The following SHANK1 variants were observed in gnomAD, a reference collection of about 807,000 sequenced individuals.
The protein encoded by SHANK1 is SH3 and multiple ankyrin repeat domains 1, also known as SH3 and multiple ankyrin repeat domains protein 1.
A neutral mutation model predicts 165.6 loss-of-function variants in SHANK1; 35 were observed. The ratio of observed to expected loss-of-function variants is 0.21; its 90% CI spans 0.16 to 0.28. SHANK1 has a LOEUF of 0.28. SHANK1 is among the 10% of genes least tolerant of loss of function. SHANK1 has a pLI of 1.00. For synonymous variants in SHANK1, 1,428 were observed against 1,384.8 expected (o/e 1.03, Z -0.69); for missense variants, 2,681 against 3,036.4 (o/e 0.88, Z 2.75).
chr19:50,662,783 G>T lies in SHANK1; in HGVS notation c.5769-101C>A. The T allele has an allele frequency of 1.6e-6, 2 of 1,241,196 alleles. No individual in the cohort carries two copies. The highest frequency in any genetic ancestry group is 1.1e-6 in the Non-Finnish European group (1 of 881,736). 76.9% of individuals were successfully genotyped at this position (1,241,196 alleles called of 1,614,324 possible). ...GTCAAGATATAGGGAGAGAGGAGGAGAGACATAAGGGTAGGGGGAGAGACG... is the reference window on the plus strand; with the variant it reads ...GTCAAGATATAGGGAGAGAGGAGGATAGACATAAGGGTAGGGGGAGAGACG... On this transcript the variant is annotated intron_variant, in intron 23 of 23. Transcript: ENST00000293441. The surrounding 1 kb of genome is among the most constrained non-coding windows in gnomAD (Gnocchi z 7.7).
Position 50,661,598 on chromosome 19 carries a change from C to A in SHANK1, c.*367G>T, listed in dbSNP as rs150226322. On this transcript the variant is annotated 3_prime_UTR_variant, in exon 24 of 24. Coordinates refer to ENST00000293441, the MANE Select transcript of SHANK1 (RefSeq NM_016148.5). Reference sequence around the variant, plus strand: ...AATCCGAGGGCACCCCCTTCCCCTGCGGCCTGGGGGACAGTCCCCATCCAA... The same window carrying A: ...AATCCGAGGGCACCCCCTTCCCCTGAGGCCTGGGGGACAGTCCCCATCCAA... Among the ~76,000 whole-genome samples the A allele has an allele frequency of 2.0e-5, 3 of 152,080 alleles. No individual in the cohort carries two copies. The highest frequency in any genetic ancestry group is 2.0e-4 in the Admixed American group (3 of 15,286).
At chr19:50,679,955 CAGAG>C (rs556621277) in intron 21 of SHANK1, among the ~76,000 whole-genome samples, 1 of 149,824 alleles carries the variant, frequency 6.7e-6, no homozygotes, top group Non-Finnish European at 1.5e-5. Flanking sequence ...GATAGAGAGA[CAGAG>C]AGACAAAGGC....
chr19:50,701,795 C>T (rs1986923119), intron 12 of SHANK1, among the ~76,000 whole-genome samples: 1 of 152,166 alleles, frequency 6.6e-6, no homozygotes, highest in South Asian at 2.1e-4. Flanking sequence ...TCTAAAGCAT[C>T]CTTCTATCCA....
intron 21 of SHANK1, among the ~76,000 whole-genome samples, chr19:50,684,272 C>T (rs1286614462): frequency 6.6e-6 from 1 of 151,460 alleles, no homozygotes; most frequent in Admixed American, 6.6e-5. Flanking sequence ...GTCGCCCAGG[C>T]TGGAGTGCAA....
In SHANK1 at chr19:50,697,389, G is replaced by A. The variant is rs1266333848; in HGVS notation, c.1937+200C>T. Among the ~76,000 whole-genome samples the A allele has an allele frequency of 6.6e-6, 1 of 152,194 alleles. No individual in the cohort carries two copies. The highest frequency in any genetic ancestry group is 1.5e-5 in the Non-Finnish European group (1 of 68,032). On this transcript the variant is annotated intron_variant, in intron 14 of 23. Transcript: ENST00000293441. The surrounding 1 kb of genome is among the most constrained non-coding windows in gnomAD (Gnocchi z 4.7). The stretch of plus-strand genomic sequence containing the variant: ...TTGTCTCTGGCTACCCCAGAGCTGG[G>A]CAGTCTTAGTGGCTGCCGAAGATGG...
intron 11 of SHANK1, among the ~76,000 whole-genome samples, chr19:50,703,281 G>T (rs947697613): frequency 6.6e-6 from 1 of 152,154 alleles, no homozygotes; most frequent in African/African-American, 2.4e-5. Context: ...CTCTGCCTGG[G>T]GCCCCTGTCC....
intron 21 of SHANK1, among the ~76,000 whole-genome samples, chr19:50,673,495 G>A (rs991061206): frequency 2.0e-5 from 3 of 151,960 alleles, no homozygotes; most frequent in Non-Finnish European, 4.4e-5. Context: ...CCTTTTCAGC[G>A]CGAAGTTCTC....
At position 50,661,934 on chromosome 19, in the gene SHANK1, GTGGACGGGGC is replaced by G; in HGVS notation, c.*21_*30del. ...AGAGGCCAGCAGGCTCAAGAGTTCT[GTGGACGGGGC>G]TGGTCCGTCCAGGCCAGCCATCACC... On this transcript the variant is annotated 3_prime_UTR_variant, in exon 24 of 24. Coordinates refer to ENST00000293441, the MANE Select transcript of SHANK1 (RefSeq NM_016148.5). 6.2e-7 allele frequency: 1 copy of G among 1,611,668 alleles called. No individual in the cohort carries two copies. Among genetic ancestry groups the G allele is most frequent in the Non-Finnish European group, 8.5e-7 (1 of 1,178,770 alleles).
Position 50,662,959 on chromosome 19 carries a change from A to C in SHANK1, c.5769-277T>G. On this transcript the variant is annotated intron_variant, in intron 23 of 23. Transcript: ENST00000293441. The surrounding 1 kb of genome is among the most constrained non-coding windows in gnomAD (Gnocchi z 7.7). ...GAGACATTAAGTGATAATAATAATA[A>C]TCGTCACCGCTTACTGATGCTCACG... 4.7e-5 allele frequency: 22 copies of C among 463,160 alleles called. No individual in the cohort carries two copies. The highest frequency in any genetic ancestry group is 8.1e-5 in the East Asian group (2 of 24,778). The allele number at this position is 463,160 out of a possible 1,614,324, so 28.7% of individuals were successfully genotyped here. A position where few individuals can be genotyped will look rare whatever the true frequency, so the allele number is the denominator to read the frequency against.
chr19:50,696,032 G>A (rs1160164809), intron 15 of SHANK1, among the ~76,000 whole-genome samples: 1 of 152,168 alleles, frequency 6.6e-6, no homozygotes, highest in Non-Finnish European at 1.5e-5. Flanking sequence ...GAGGCAGGAG[G>A]AGGGGAAGCT....
rs1052286855 is a variant in SHANK1 at position 50,719,732 on chromosome 19, G to GGCC, written c.-373_-371dup. Among the ~76,000 whole-genome samples, 10 of 149,210 alleles carry GGCC rather than the reference G, an allele frequency of 6.7e-5. No individual in the cohort carries two copies. The highest frequency in any genetic ancestry group is 2.1e-4 in the South Asian group (1 of 4,728). On this transcript the variant is annotated 5_prime_UTR_variant, in exon 1 of 24. Transcript: ENST00000293441. ...CTGCTCTTCCTCCTCCTCTTCCTCGGGCCGCCGCCGCCGCCGCCCGCTCCG... is the reference window on the plus strand; with the variant it reads ...CTGCTCTTCCTCCTCCTCTTCCTCGGGCCGCCGCCGCCGCCGCCGCCCGCTCCG...
In SHANK1 at chr19:50,659,374, C is replaced by A. The variant is rs548474765; in HGVS notation, c.*2591G>T. 58 of 366,408 alleles carry A rather than the reference C, an allele frequency of 1.6e-4. No homozygotes were observed. In the Middle Eastern group the frequency reaches 2.1e-3, roughly 14 times the overall value. 22.7% of individuals were successfully genotyped at this position (366,408 alleles called of 1,614,324 possible). ...GGAGGTGATGGGGGGTAGGAATGAA[C>A]CCCCATGTTATAATCCCGCGTCCCT... On this transcript the variant is annotated 3_prime_UTR_variant, in exon 24 of 24. Coordinates refer to ENST00000293441, the MANE Select transcript of SHANK1 (RefSeq NM_016148.5).
At chr19:50,694,022 CACA>C (rs1339524197) in intron 15 of SHANK1, among the ~76,000 whole-genome samples, 6 of 27,552 alleles carry the variant, frequency 2.2e-4, no homozygotes, top group African/African-American at 9.1e-4. Context: ...GCACACACCA[CACA>C]CACACACACA....
chr19:50,715,765 G>A (rs2089062335), intron 3 of SHANK1, 35 bp from the exon 4 acceptor site: 1 of 1,592,966 alleles, frequency 6.3e-7, no homozygotes, highest in Non-Finnish European at 8.6e-7. Context: ...GAGAGACACA[G>A]AGACTTGGAA....
chr19:50,689,648 T>G (rs1272652680), intron 15 of SHANK1, among the ~76,000 whole-genome samples: 2 of 152,102 alleles, frequency 1.3e-5, no homozygotes, highest in African/African-American at 4.8e-5. Context: ...GCCCACAACT[T>G]TAACCTTTTG....
At chr19:50,683,550 G>A (rs1380358390) in intron 21 of SHANK1, among the ~76,000 whole-genome samples, 1 of 151,986 alleles carries the variant, frequency 6.6e-6, no homozygotes. Context: ...CGGCCTTCTC[G>A]CACTTAGGAA....
chr19:50,696,762 A>G (rs1225807372), intron 15 of SHANK1, among the ~76,000 whole-genome samples: 1 of 151,952 alleles, frequency 6.6e-6, no homozygotes, highest in Non-Finnish European at 1.5e-5. Flanking sequence ...GCAGAGACCC[A>G]CCTGTCCATG....
intron 8 of SHANK1, among the ~76,000 whole-genome samples, chr19:50,705,757 C>T (rs73044630): frequency 0.2 from 30,539 of 152,166 alleles, 3,373 homozygotes; most frequent in South Asian, 0.4. Flanking sequence ...ATGTTACGTG[C>T]CAGGCGCTTG....
In SHANK1 at chr19:50,665,902, A is replaced by ATTCCTGTAATCCCAGCTACT. The variant is rs1555739472; in HGVS notation, c.5768+289_5768+290insAGTAGCTGGGATTACAGGAA. 9.9e-3 allele frequency among the ~76,000 whole-genome samples: 1,341 copies of ATTCCTGTAATCCCAGCTACT among 135,510 alleles called. 58 individuals are homozygous for ATTCCTGTAATCCCAGCTACT. The highest frequency in any genetic ancestry group is 0.032 in the African/African-American group (1,089 of 33,886). The allele number at this position is 135,510 out of a possible 152,430, so 88.9% of individuals were successfully genotyped here. A position where few individuals can be genotyped will look rare whatever the true frequency, so the allele number is the denominator to read the frequency against. On this transcript the variant is annotated intron_variant, in intron 23 of 23. Coordinates refer to ENST00000293441, the MANE Select transcript of SHANK1 (RefSeq NM_016148.5). ...TACAAAATTAGCTGGGTGTGGTGGC[A>ATTCCTGTAATCCCAGCTACT]TGGGAGGCTGAGGCAGGAGAATCGC...
Sources: gnomAD v4.1 joint callset for allele counts (sites outside exome capture counted in the v4.1 genomes callset) on GRCh38, gnomAD v4.1.1 for gene constraint, Gnocchi (gnomAD v3.1) non-coding constraint, MANE v1.5 for transcripts, NCBI Gene and HGNC (gene_info 2026-07-23, HGNC 2026-07-21) for gene names.